DPY19L3: variants seen among roughly 807,000 people sequenced by gnomAD.
DPY19L3 encodes protein C-mannosyl-transferase DPY19L3.
A neutral mutation model predicts 92.3 loss-of-function variants in DPY19L3; 51 were observed. The observed-to-expected ratio is 0.55, with a 90% CI of 0.44 to 0.70. The LOEUF (loss-of-function observed/expected upper bound fraction) is 0.70. Among genes scored for constraint, DPY19L3 ranks in the 30% least tolerant of loss-of-function variants. The pLI is 0.00. For missense variants in DPY19L3, 706 were observed against 855.9 expected (o/e 0.82, Z 2.18); for synonymous variants, 309 against 315.2 (o/e 0.98, Z 0.21).
At chr19:32,446,971 C>T (rs1352279493) in intron 8 of DPY19L3, among the ~76,000 whole-genome samples, 6 of 152,086 alleles carry the variant, frequency 3.9e-5, no homozygotes, top group African/African-American at 7.2e-5. Context: ...CATAAAACAA[C>T]GACAAACATA....
At chr19:32,452,381 A>G (rs1969730311) in intron 8 of DPY19L3, among the ~76,000 whole-genome samples, 1 of 152,222 alleles carries the variant, frequency 6.6e-6, no homozygotes, top group Non-Finnish European at 1.5e-5. Flanking sequence ...TTGCAGTCTA[A>G]TCAGGGGATC....
intron 16 of DPY19L3, 78 bp downstream of exon 16, chr19:32,468,891 T>G (rs1326967343): frequency 2.1e-6 from 3 of 1,409,452 alleles, no homozygotes; most frequent in Non-Finnish European, 2.9e-6. Flanking sequence ...GTTTTGGGGG[T>G]TTTTTGTTTG....
intron 10 of DPY19L3, among the ~76,000 whole-genome samples, chr19:32,455,998 A>T (rs1272910534): frequency 6.6e-6 from 1 of 151,988 alleles, no homozygotes; most frequent in Non-Finnish European, 1.5e-5. Flanking sequence ...TCCACAAGAG[A>T]ACTGTGGTCC....
At chr19:32,473,587 A>T (rs989497176) in intron 16 of DPY19L3, among the ~76,000 whole-genome samples, 1 of 152,210 alleles carries the variant, frequency 6.6e-6, no homozygotes, top group Non-Finnish European at 1.5e-5. Flanking sequence ...TAAGTTTAGA[A>T]ATGTGTGATT....
Position 32,481,863 on chromosome 19 carries a change from C to T in DPY19L3, c.1990-216C>T, listed in dbSNP as rs1599686846. 7.6e-6 allele frequency: 4 copies of T among 528,384 alleles called. No individual in the cohort carries two copies. In the South Asian group the frequency reaches 1.1e-4, roughly 15 times the overall value. The allele number at this position is 528,384 out of a possible 1,614,324, so 32.7% of individuals were successfully genotyped here. On this transcript the variant is annotated intron_variant, in intron 18 of 18. Transcript: ENST00000392250. ...CTGGCTTTCCCGTTAATGGGATCAT[C>T]GTGTGACGCTGCACTCTCCTTCTCA...
At chr19:32,475,023 C>T (rs1970464560) in intron 16 of DPY19L3, among the ~76,000 whole-genome samples, 1 of 152,162 alleles carries the variant, frequency 6.6e-6, no homozygotes, top group South Asian at 2.1e-4. Flanking sequence ...GCATTTAAGC[C>T]TTTGTGAACT....
rs1243151600 is a variant in DPY19L3 at position 32,463,983 on chromosome 19, CAG to C, written c.1557+4_1557+5del. 6.3e-7 allele frequency: 1 copy of C among 1,586,040 alleles called. No homozygotes were observed. The highest frequency in any genetic ancestry group is 8.6e-7 in the Non-Finnish European group (1 of 1,159,204). ...TCCATCTTTATAACCCAAAGAGGGTCAGTGTCATCCCTTTTTCCATCTCCTTT... is the reference window on the plus strand; with the variant it reads ...TCCATCTTTATAACCCAAAGAGGGTCTGTCATCCCTTTTTCCATCTCCTTT... On this transcript the variant is annotated splice_donor_5th_base_variant and intron_variant, in intron 14 of 18. Coordinates refer to ENST00000392250, the MANE Select transcript of DPY19L3 (RefSeq NM_001172774.2).
rs1404929451 is a variant in DPY19L3, at chr19:32,453,058, A to G, written c.856-87A>G. The G allele has an allele frequency of 2.6e-5, 38 of 1,436,782 alleles. No homozygotes were observed. In the Middle Eastern group the frequency reaches 9.2e-4, roughly 35 times the overall value. The allele number at this position is 1,436,782 out of a possible 1,614,324, so 89.0% of individuals were successfully genotyped here. A position where few individuals can be genotyped will look rare whatever the true frequency, so the allele number is the denominator to read the frequency against. On this transcript the variant is annotated intron_variant, in intron 8 of 18. Coordinates refer to ENST00000392250, the MANE Select transcript of DPY19L3 (RefSeq NM_001172774.2). Reference sequence around the variant, plus strand: ...TGTTTTCTGCATTATTTGTAAGCTGAGGTGTATCCACCTCATGACCAACAT... The same window carrying G: ...TGTTTTCTGCATTATTTGTAAGCTGGGGTGTATCCACCTCATGACCAACAT...
intron 15 of DPY19L3, chr19:32,468,398 C>T (rs1970258761): frequency 9.8e-7 from 1 of 1,019,600 alleles, no homozygotes; most frequent in Non-Finnish European, 1.2e-6. Context: ...TCATGGTTGG[C>T]ATTCTTGTCA....
chr19:32,413,741 G>A (rs186128204), intron 3 of DPY19L3, among the ~76,000 whole-genome samples: 1 of 151,970 alleles, frequency 6.6e-6, no homozygotes, highest in African/African-American at 2.4e-5. Flanking sequence ...GAGCGGGGGC[G>A]GGCAGGGTCT....
In DPY19L3 at chr19:32,436,459, A is replaced by G. The variant is rs141100296; in HGVS notation, c.342A>G (p.Leu114=). The G allele has an allele frequency of 6.6e-7, 1 of 1,525,800 alleles. No homozygotes were observed. Among genetic ancestry groups the G allele is most frequent in the African/African-American group, 1.4e-5 (1 of 72,260 alleles). 94.5% of individuals were successfully genotyped at this position (1,525,800 alleles called of 1,614,324 possible). The change falls in exon 5 of 19, where the codon CTA becomes CTG. Residue 114 remains leucine (L), a synonymous_variant. Coordinates refer to ENST00000392250, the MANE Select transcript of DPY19L3 (RefSeq NM_001172774.2). ...APTLVQGFHG[L]IYDNKTESMK... is the part of the protein sequence containing the mutation. ...ACATATCTATAGGTTTTCATGGCCT[A>G]ATATATGATAATAAAACTGAATCTA...
chr19:32,437,441 G>A, intron 6 of DPY19L3, 102 bp downstream of exon 6: 1 of 1,359,590 alleles, frequency 7.4e-7, no homozygotes, highest in Non-Finnish European at 9.9e-7. Context: ...CATTTGTTTG[G>A]TTGGGAGCAG....
At chr19:32,407,659 G>A (rs1451803504) in intron 1 of DPY19L3, among the ~76,000 whole-genome samples, 1 of 152,242 alleles carries the variant, frequency 6.6e-6, no homozygotes, top group Non-Finnish European at 1.5e-5. Context: ...TGGCTCGTTT[G>A]TGTTGCTTAC....
chr19:32,448,549 CTTA>C (rs1460380156), intron 8 of DPY19L3, among the ~76,000 whole-genome samples: 1 of 152,054 alleles, frequency 6.6e-6, no homozygotes, highest in African/African-American at 2.4e-5. Context: ...ATACTATATT[CTTA>C]TTATAAAGTA....
intron 12 of DPY19L3, among the ~76,000 whole-genome samples, 153 bp from the exon 13 acceptor site, chr19:32,463,213 T>G (rs970161227): frequency 2.0e-5 from 3 of 152,214 alleles, no homozygotes; most frequent in Admixed American, 2.0e-4. Flanking sequence ...CCTCATAAAT[T>G]CAAAATTGAT....
chr19:32,411,015 G>A (rs937499388), intron 2 of DPY19L3, among the ~76,000 whole-genome samples: 11 of 152,176 alleles, frequency 7.2e-5, no homozygotes, highest in African/African-American at 2.4e-4. Flanking sequence ...AGAAGCTCAC[G>A]TTGTAGTTGG....
chr19:32,464,077 G>T (rs949750254), intron 14 of DPY19L3, 97 bp downstream of exon 14: 7 of 612,276 alleles, frequency 1.1e-5, no homozygotes, highest in African/African-American at 1.1e-4. Flanking sequence ...AGATAAAATG[G>T]ATACTGAAAT....
intron 3 of DPY19L3, among the ~76,000 whole-genome samples, chr19:32,422,188 G>A (rs1410903138): frequency 6.6e-6 from 1 of 152,170 alleles, no homozygotes; most frequent in Non-Finnish European, 1.5e-5. Flanking sequence ...CATCATTGGT[G>A]AAGAACAGTC....
At chr19:32,437,568 A>C (rs1210583274) in intron 6 of DPY19L3, among the ~76,000 whole-genome samples, 1 of 152,174 alleles carries the variant, frequency 6.6e-6, no homozygotes, top group Non-Finnish European at 1.5e-5. Context: ...ATATCAAGAA[A>C]ATCATTCATA....
Sources: allele counts gnomAD v4.1 joint callset (sites outside exome capture counted in the v4.1 genomes callset), GRCh38; gene constraint gnomAD v4.1.1; transcripts MANE v1.5; gene names NCBI Gene and HGNC (gene_info 2026-07-23, HGNC 2026-07-21).